Variants in DENND11 observed in about 807,000 individuals in gnomAD.
The protein encoded by DENND11 is DENN domain-containing protein 11.
A neutral mutation model predicts 49.2 loss-of-function variants in DENND11; 34 were observed. That is an observed-to-expected ratio of 0.69 (90% confidence interval 0.53 to 0.92). The LOEUF (loss-of-function observed/expected upper bound fraction) is 0.92. DENND11 is among the 40% of genes least tolerant of loss of function. The probability of loss-of-function intolerance (pLI) is 0.00; values close to 1 mark genes in which losing one functional copy is unlikely to be tolerated. For missense variants in DENND11, 475 were observed against 581.6 expected (o/e 0.82, Z 1.88); for synonymous variants, 238 against 230.3 (o/e 1.03, Z -0.30).
In DENND11 at chr7:141,674,136, G is replaced by C. The variant is rs1798028043; in HGVS notation, c.612C>G (p.Gly204=). Residue 204 remains glycine, a synonymous_variant, in exon 4 of 9, where the codon GGC becomes GGG. Coordinates refer to ENST00000536163, the MANE Select transcript of DENND11 (RefSeq NM_001080392.2). ...DKKGVLHAGP[G]RGSSLPPVYW... ...AGACAGGGGGCAGGCTGCTGCCTCT[G>C]CCGGGACCAGCATGGAGCACCCCCT... 2 of 1,589,360 alleles carry C rather than the reference G, an allele frequency of 1.3e-6. No homozygotes were observed. The highest frequency in any genetic ancestry group is 3.6e-5 in the Admixed American group (2 of 56,122).
chr7:141,678,941 A>G (rs561973120), intron 3 of DENND11, among the ~76,000 whole-genome samples: 1 of 152,322 alleles, frequency 6.6e-6, no homozygotes, highest in South Asian at 2.1e-4. Context: ...GTTCTCCAAT[A>G]TCTTCTGATT....
chr7:141,689,966 C>A (rs1459075832), intron 1 of DENND11, among the ~76,000 whole-genome samples: 1 of 152,232 alleles, frequency 6.6e-6, no homozygotes, highest in African/African-American at 2.4e-5. Flanking sequence ...CTGCTGTAAA[C>A]AATCCTGTAT....
Position 141,701,868 on chromosome 7 carries a change from C to T in DENND11, c.268+18G>A. On this transcript the variant is annotated intron_variant, in intron 1 of 8. Coordinates refer to ENST00000536163, the MANE Select transcript of DENND11 (RefSeq NM_001080392.2). The stretch of plus-strand genomic sequence containing the variant: ...ACCCCGACCCTCCCCACGCGCCTGG[C>T]CCCGGCGCGGCCCTCACCCGAGCGG... 1 of 1,181,898 alleles carries T rather than the reference C, an allele frequency of 8.5e-7. No homozygotes were observed. Among genetic ancestry groups the T allele is most frequent in the Non-Finnish European group, 1.0e-6 (1 of 956,022 alleles). The allele number at this position is 1,181,898 out of a possible 1,614,324, so 73.2% of individuals were successfully genotyped here. A position where few individuals can be genotyped will look rare whatever the true frequency, so the allele number is the denominator to read the frequency against.
chr7:141,698,210 G>A (rs565535151), intron 1 of DENND11, among the ~76,000 whole-genome samples: 20 of 152,306 alleles, frequency 1.3e-4, no homozygotes, highest in Admixed American at 5.2e-4. Flanking sequence ...CGGTGATACC[G>A]CTCTTGCCAC....
intron 1 of DENND11, among the ~76,000 whole-genome samples, chr7:141,690,205 G>T (rs1414757813): frequency 6.6e-6 from 1 of 152,200 alleles, no homozygotes; most frequent in African/African-American, 2.4e-5. Flanking sequence ...CCCTGATGAT[G>T]CTGCAGCCAC....
At chr7:141,670,652 G>A (rs1195876429) in intron 4 of DENND11, among the ~76,000 whole-genome samples, 2 of 152,190 alleles carry the variant, frequency 1.3e-5, no homozygotes, top group Non-Finnish European at 2.9e-5. Context: ...ACTTTGATGG[G>A]ATTATGGCTT....
chr7:141,662,871 C>A lies in DENND11; in HGVS notation c.1173-20G>T. The A allele has an allele frequency of 6.6e-7, 1 of 1,511,214 alleles. No individual in the cohort carries two copies. The highest frequency in any genetic ancestry group is 8.9e-7 in the Non-Finnish European group (1 of 1,126,482). The allele number at this position is 1,511,214 out of a possible 1,614,324, so 93.6% of individuals were successfully genotyped here. A position where few individuals can be genotyped will look rare whatever the true frequency, so the allele number is the denominator to read the frequency against. On this transcript the variant is annotated intron_variant, in intron 8 of 8. Coordinates refer to ENST00000536163, the MANE Select transcript of DENND11 (RefSeq NM_001080392.2). ...AAAAACCTGCATTTGGAAGACAAGACACAGGAAAGGAAGCGGGGGGGAATA... is the reference window on the plus strand; with the variant it reads ...AAAAACCTGCATTTGGAAGACAAGAAACAGGAAAGGAAGCGGGGGGGAATA...
intron 1 of DENND11, among the ~76,000 whole-genome samples, chr7:141,699,937 C>A (rs750238849): frequency 6.6e-6 from 1 of 152,166 alleles, no homozygotes; most frequent in Non-Finnish European, 1.5e-5. Flanking sequence ...CACACACACA[C>A]ACACACTCCG....
At chr7:141,670,279 T>C (rs1023173984) in intron 4 of DENND11, among the ~76,000 whole-genome samples, 1 of 152,192 alleles carries the variant, frequency 6.6e-6, no homozygotes, top group Non-Finnish European at 1.5e-5. Context: ...TCTGGGTGTG[T>C]GTGTGTCTCT....
intron 1 of DENND11, among the ~76,000 whole-genome samples, chr7:141,699,790 G>C (rs1365268103): frequency 6.6e-6 from 1 of 152,194 alleles, no homozygotes; most frequent in Non-Finnish European, 1.5e-5. Flanking sequence ...GGGTATAAAT[G>C]ATCATCAAAT....
At chr7:141,683,456 T>C (rs1186184527) in intron 3 of DENND11, among the ~76,000 whole-genome samples, 2 of 151,966 alleles carry the variant, frequency 1.3e-5, no homozygotes, top group Non-Finnish European at 2.9e-5. Context: ...CTGACCAACA[T>C]GGTGAAACCC....
At chr7:141,672,121 T>C (rs1200721305) in intron 4 of DENND11, among the ~76,000 whole-genome samples, 33 of 152,234 alleles carry the variant, frequency 2.2e-4, no homozygotes, top group Admixed American at 2.2e-3. Context: ...AGATGCGCAG[T>C]GCCTCCCTCA....
chr7:141,664,233 G>T lies in DENND11; in HGVS notation c.1111C>A (p.Leu371Met). ...TCTTCTACTTCCTGGGAGTACAACA[G>T]CATCTGCCTGTTGGGAAGATCACCG... ...YRRLNEQRQMLLYSQEVEEDY... is the reference protein window; with the variant it reads ...YRRLNEQRQMMLYSQEVEEDY... Residue 371 changes from leucine (L) to methionine (M), a missense_variant, in exon 8 of 9, where the codon CTG becomes ATG. Leu to Met is a conservative substitution (Grantham distance 15, BLOSUM62 2). Coordinates refer to ENST00000536163, the MANE Select transcript of DENND11 (RefSeq NM_001080392.2). 1 of 1,582,084 alleles carries T rather than the reference G, an allele frequency of 6.3e-7. No homozygotes were observed. Among genetic ancestry groups the T allele is most frequent in the Admixed American group, 1.8e-5 (1 of 56,112 alleles).
chr7:141,677,143 AG>A (rs1798070031), intron 3 of DENND11, among the ~76,000 whole-genome samples: 1 of 152,072 alleles, frequency 6.6e-6, no homozygotes, highest in Non-Finnish European at 1.5e-5. Context: ...TGGTCTGAAC[AG>A]GCCGGGCGTG....
In DENND11 at chr7:141,670,937, G is replaced by A. The variant is rs1797971198; in HGVS notation, c.681+3130C>T. Among the ~76,000 whole-genome samples, 4 of 152,088 alleles carry A rather than the reference G, an allele frequency of 2.6e-5. No individual in the cohort carries two copies. In the South Asian group the frequency reaches 8.3e-4, roughly 32 times the overall value. ...TGCAGATTTGGGTATCTGAGGGAGG[G>A]TGCCTAGAACCAAGGCCCTGCAAAT... is the stretch of plus-strand genomic sequence containing the variant. On this transcript the variant is annotated intron_variant, in intron 4 of 8. Transcript: ENST00000536163.
intron 3 of DENND11, among the ~76,000 whole-genome samples, chr7:141,682,271 AG>A (rs1361449711): frequency 6.6e-6 from 1 of 152,182 alleles, no homozygotes; most frequent in Non-Finnish European, 1.5e-5. Flanking sequence ...GGCCTCTACA[AG>A]GGGGAAGAAG....
chr7:141,679,919 G>C (rs1166388598), intron 3 of DENND11, among the ~76,000 whole-genome samples: 1 of 152,156 alleles, frequency 6.6e-6, no homozygotes, highest in Non-Finnish European at 1.5e-5. Context: ...CTTTCATTTT[G>C]TGTTGGCAAC....
chr7:141,668,733 GC>G, intron 4 of DENND11, among the ~76,000 whole-genome samples: 1 of 152,360 alleles, frequency 6.6e-6, no homozygotes, highest in East Asian at 1.9e-4. Flanking sequence ...GGGAAGCACT[GC>G]CCACAGGGCC....
intron 7 of DENND11, 102 bp from the exon 8 acceptor site, chr7:141,664,342 A>G: frequency 2.4e-6 from 2 of 837,652 alleles, no homozygotes; most frequent in Non-Finnish European, 3.9e-6. Flanking sequence ...CCTCCCAGGA[A>G]GCAGCACCAG....
Sources: gnomAD v4.1 joint callset for allele counts (sites outside exome capture counted in the v4.1 genomes callset) on GRCh38, gnomAD v4.1.1 for gene constraint, MANE v1.5 for transcripts, NCBI Gene and HGNC (gene_info 2026-07-23, HGNC 2026-07-21) for gene names.